Variants in EFTUD2 observed in about 807,000 individuals in gnomAD.
EFTUD2 encodes elongation factor Tu GTP binding domain containing 2, also known as 116 kDa U5 small nuclear ribonucleoprotein component.
EFTUD2 carries 9 observed loss-of-function variants against 114.3 expected under a neutral mutation model. The observed-to-expected ratio is 0.08, with a 90% CI of 0.05 to 0.14. EFTUD2 has a LOEUF of 0.14. EFTUD2 is among the 10% of genes least tolerant of loss of function. The pLI is 1.00. For missense variants in EFTUD2, 765 were observed against 1,241.2 expected, an observed-to-expected ratio of 0.62 and a Z score of 5.76; for synonymous variants, 449 against 462.3, an observed-to-expected ratio of 0.97 and a Z score of 0.37.
chr17:44,851,702 A>G lies in EFTUD2; in HGVS notation c.2823+8T>C. On this transcript the variant is annotated splice_region_variant and intron_variant, in intron 27 of 27. Transcript: ENST00000426333. Reference sequence around the variant, plus strand: ...TGAGGGATGGCAACAGGCCCAAGGGAGACATACCTTCCTACGGCGGGTTTT... The same window carrying G: ...TGAGGGATGGCAACAGGCCCAAGGGGGACATACCTTCCTACGGCGGGTTTT... The G allele has an allele frequency of 6.3e-7, 1 of 1,586,404 alleles. No homozygotes were observed. The highest frequency in any genetic ancestry group is 8.5e-7 in the Non-Finnish European group (1 of 1,169,864).
At chr17:44,861,867 G>T (rs531756063) in intron 16 of EFTUD2, among the ~76,000 whole-genome samples, 1 of 152,284 alleles carries the variant, frequency 6.6e-6, no homozygotes, top group South Asian at 2.1e-4. Flanking sequence ...CGAATGCTTT[G>T]GTTTAACTTG....
Position 44,854,764 on chromosome 17 carries a change from A to G in EFTUD2, c.2133-82T>C, listed in dbSNP as rs1470498525. ...GAGCCACAGACCCTCCCTTCCTGGA[A>G]GACAGTCACTTCATCCTACCCACTG... On this transcript the variant is annotated intron_variant, in intron 21 of 27. Transcript: ENST00000426333. The surrounding 1 kb of genome is among the most constrained non-coding windows in gnomAD (Gnocchi z 4.3). The G allele has an allele frequency of 1.4e-5, 22 of 1,583,952 alleles. No homozygotes were observed. The highest frequency in any genetic ancestry group is 1.8e-5 in the Non-Finnish European group (21 of 1,161,870).
At chr17:44,890,366 C>T (rs891072031) in intron 2 of EFTUD2, among the ~76,000 whole-genome samples, 6 of 149,790 alleles carry the variant, frequency 4.0e-5, no homozygotes, top group African/African-American at 1.5e-4. Context: ...AAAATCTATG[C>T]ATCTCTACTG....
intron 2 of EFTUD2, 152 bp from the exon 3 acceptor site, chr17:44,886,902 G>C: frequency 7.4e-7 from 1 of 1,344,008 alleles, no homozygotes; most frequent in Non-Finnish European, 1.0e-6. Flanking sequence ...ACTCCTTTGA[G>C]ACCCTTCACA....
In EFTUD2 at chr17:44,853,311, A is replaced by G; in HGVS notation, c.2546T>C (p.Val849Ala). 6.2e-7 allele frequency: 1 copy of G among 1,613,938 alleles called. No homozygotes were observed. ...PADCVSAVYT[V>A]LARRRGHVTQ... ...GGCCGCTCACCTGCGCCTGGCCAGG[A>G]CGGTATAAACTGCAGAGACGCAATC... The change falls in exon 25 of 28, where the codon GTC becomes GCC. Residue 849 changes from valine (V) to alanine (A), a missense_variant. Val to Ala is a moderately conservative substitution (Grantham distance 64). Coordinates refer to ENST00000426333, the MANE Select transcript of EFTUD2 (RefSeq NM_004247.4).
chr17:44,863,151 C>T (rs8067592), intron 15 of EFTUD2: 5 of 387,730 alleles, frequency 1.3e-5, no homozygotes, highest in African/African-American at 6.2e-5. Flanking sequence ...GGAAGAGACA[C>T]AGATTTAAGA....
chr17:44,885,245 T>C lies in EFTUD2; in HGVS notation c.350+11A>G, dbSNP rs771854689. 6 of 1,609,386 alleles carry C rather than the reference T, an allele frequency of 3.7e-6. No individual in the cohort carries two copies. The East Asian group carries it at 1.1e-4, about 30-fold the overall frequency. On this transcript the variant is annotated intron_variant, in intron 4 of 27. Coordinates refer to ENST00000426333, the MANE Select transcript of EFTUD2 (RefSeq NM_004247.4). ...ATTCCTGCAGAGAAGCTGAGAAACC[T>C]TGTAACTTACTCCATCTCATACACC...
At chr17:44,866,058 C>G (rs2050741673) in intron 13 of EFTUD2, among the ~76,000 whole-genome samples, 1 of 152,222 alleles carries the variant, frequency 6.6e-6, no homozygotes, top group African/African-American at 2.4e-5. Flanking sequence ...GATCTGCCCA[C>G]TGGGACCTCC....
chr17:44,895,144 T>G (rs2051354908), intron 1 of EFTUD2, among the ~76,000 whole-genome samples: 1 of 152,246 alleles, frequency 6.6e-6, no homozygotes, highest in Admixed American at 6.5e-5. Context: ...AAGAAAAATA[T>G]TTCATGATAC....
intron 20 of EFTUD2, among the ~76,000 whole-genome samples, chr17:44,856,502 C>T (rs947379051): frequency 1.7e-4 from 25 of 148,932 alleles, no homozygotes; most frequent in Non-Finnish European, 2.1e-4. Flanking sequence ...TGTACTCCAG[C>T]CTGGGCGACA....
chr17:44,857,920 C>CTTTTTTTTTTTTTT (rs528299306), intron 19 of EFTUD2, among the ~76,000 whole-genome samples: 2 of 127,496 alleles, frequency 1.6e-5, no homozygotes, highest in African/African-American at 6.1e-5. Context: ...TTTCTTTTTC[C>CTTTTTTTTTTTTTT]TTTTTTTTTT....
intron 6 of EFTUD2, 53 bp from the exon 7 acceptor site, chr17:44,881,775 A>G (rs2051077054): frequency 6.4e-7 from 1 of 1,560,882 alleles, no homozygotes; most frequent in African/African-American, 1.4e-5. Context: ...CTCTCCCACA[A>G]ACGAACCATC....
intron 2 of EFTUD2, among the ~76,000 whole-genome samples, chr17:44,893,239 C>G (rs571760879): frequency 6.6e-6 from 1 of 152,000 alleles, no homozygotes. Flanking sequence ...TTTCCTGCCT[C>G]GGCCTTCCAA....
In EFTUD2 at chr17:44,889,085, C is replaced by G. The variant is rs760832319; in HGVS notation, c.106-2335G>C. On this transcript the variant is annotated intron_variant, in intron 2 of 27. Transcript: ENST00000426333. ...AAAGGCTGAGAAGGGATGGTCAGTG[C>G]GGAGGAAAACCAGGGGTTCTCTGAA... Among the ~76,000 whole-genome samples the G allele has an allele frequency of 1.3e-5, 2 of 151,978 alleles. 1 individual carries two copies. The highest frequency in any genetic ancestry group is 4.2e-4 in the South Asian group (2 of 4,816).
intron 13 of EFTUD2, among the ~76,000 whole-genome samples, chr17:44,866,269 G>T (rs1357916294): frequency 6.6e-6 from 1 of 152,176 alleles, no homozygotes; most frequent in Non-Finnish European, 1.5e-5. Flanking sequence ...CTGAGACAGG[G>T]TCTCACTCCA....
At chr17:44,897,215 C>CAAAAAA (rs60766041) in intron 1 of EFTUD2, among the ~76,000 whole-genome samples, 3 of 66,508 alleles carry the variant, frequency 4.5e-5, no homozygotes, top group Non-Finnish European at 9.2e-5. Context: ...GACTCCGTCT[C>CAAAAAA]AAAAAAAAAA....
At position 44,854,670 on chromosome 17, in the gene EFTUD2, T is replaced by A. The variant is rs142416068; in HGVS notation, c.2145A>T (p.Gly715=). 28 of 1,613,282 alleles carry A rather than the reference T, an allele frequency of 1.7e-5. No homozygotes were observed. Among genetic ancestry groups the A allele is most frequent in the Admixed American group, 1.3e-4 (8 of 59,948 alleles). Residue 715 remains glycine, a synonymous_variant, in exon 22 of 28, where the codon GGA becomes GGT. Coordinates refer to ENST00000426333, the MANE Select transcript of EFTUD2 (RefSeq NM_004247.4). This position sits in a 1 kb window ranked among gnomAD's most constrained non-coding sequence, Gnocchi z 4.3. ...AATCGTACTTGGTCTGGAAGAACTC[T>A]CCCAGCTTCTTCCTGGGGAAGGGAG... ...VQITWNRKKL[G]EFFQTKYDWD... is the part of the protein sequence containing the mutation.
intron 9 of EFTUD2, among the ~76,000 whole-genome samples, chr17:44,876,547 T>C (rs575483053): frequency 6.6e-6 from 1 of 152,230 alleles, no homozygotes; most frequent in Admixed American, 6.5e-5. Flanking sequence ...TCCAAACCTT[T>C]GTTTCTAAAT....
chr17:44,866,092 G>C (rs1170993565), intron 13 of EFTUD2, among the ~76,000 whole-genome samples: 1 of 152,230 alleles, frequency 6.6e-6, no homozygotes. Flanking sequence ...TTACAGGCGT[G>C]AGCAACCACA....
Sources: gnomAD v4.1 joint callset for allele counts (sites outside exome capture counted in the v4.1 genomes callset) on GRCh38, gnomAD v4.1.1 for gene constraint, Gnocchi (gnomAD v3.1) non-coding constraint, MANE v1.5 for transcripts, NCBI Gene and HGNC (gene_info 2026-07-23, HGNC 2026-07-21) for gene names.